KIAA1328: variants seen among roughly 807,000 people sequenced by gnomAD.
KIAA1328 encodes the protein KIAA1328.
KIAA1328 carries 52 observed loss-of-function variants against 68.1 expected under a neutral mutation model. That is an observed-to-expected ratio of 0.76 (90% CI 0.61 to 0.96). The LOEUF is 0.96. Ranked by LOEUF, KIAA1328 falls within the 40% of genes least tolerant of loss-of-function variation. KIAA1328 has a pLI of 0.00. For synonymous variants in KIAA1328, 232 were observed against 239.4 expected, an observed-to-expected ratio of 0.97 and a Z score of 0.28; for missense variants, 641 against 677.6, an observed-to-expected ratio of 0.95 and a Z score of 0.60.
At chr18:37,098,717 G>T (rs1289550094) in intron 7 of KIAA1328, among the ~76,000 whole-genome samples, 4 of 152,044 alleles carry the variant, frequency 2.6e-5, no homozygotes. Flanking sequence ...ACTTTTTTTG[G>T]TTGGTAAGCT....
chr18:37,217,679 G>T (rs2060471915), intron 9 of KIAA1328, among the ~76,000 whole-genome samples: 1 of 152,082 alleles, frequency 6.6e-6, no homozygotes, highest in South Asian at 2.1e-4. Flanking sequence ...TATCTTTGTG[G>T]TGTTCTCTGT....
At chr18:36,865,091 G>T (rs2047702549) in intron 4 of KIAA1328, among the ~76,000 whole-genome samples, 1 of 144,632 alleles carries the variant, frequency 6.9e-6, no homozygotes, top group Non-Finnish European at 1.5e-5. Flanking sequence ...TCATTGCTTT[G>T]GACTTATTTT....
At chr18:36,870,001 T>G (rs1226796005) in intron 4 of KIAA1328, among the ~76,000 whole-genome samples, 3 of 152,114 alleles carry the variant, frequency 2.0e-5, no homozygotes, top group Non-Finnish European at 4.4e-5. Flanking sequence ...TAGCTGGGAT[T>G]ACAGGTGCGC....
intron 6 of KIAA1328, among the ~76,000 whole-genome samples, chr18:36,992,310 T>G (rs892074167): frequency 6.6e-6 from 1 of 152,136 alleles, no homozygotes; most frequent in Non-Finnish European, 1.5e-5. Flanking sequence ...GGTCCTTTTC[T>G]CCTCCAAGGC....
chr18:36,857,249 G>T (rs763525831), intron 4 of KIAA1328, among the ~76,000 whole-genome samples: 1 of 152,258 alleles, frequency 6.6e-6, no homozygotes, highest in South Asian at 2.1e-4. Flanking sequence ...TTACCAAATA[G>T]GTTCTTTTTT....
chr18:37,074,058 C>G (rs1157394944), intron 7 of KIAA1328, among the ~76,000 whole-genome samples: 1 of 152,204 alleles, frequency 6.6e-6, no homozygotes, highest in Admixed American at 6.5e-5. Flanking sequence ...TCTAGCCTCC[C>G]ACTGGACCTT....
intron 7 of KIAA1328, among the ~76,000 whole-genome samples, chr18:37,076,522 T>C (rs1236915741): frequency 6.6e-6 from 1 of 151,610 alleles, no homozygotes; most frequent in Non-Finnish European, 1.5e-5. Context: ...AAAAAACCCT[T>C]CAAAAAATTA....
chr18:36,978,763 A>G (rs1263124275), intron 6 of KIAA1328, among the ~76,000 whole-genome samples: 1 of 152,096 alleles, frequency 6.6e-6, no homozygotes, highest in Non-Finnish European at 1.5e-5. Flanking sequence ...TTCTTTTGGC[A>G]TTTGCTTTGC....
chr18:37,054,610 A>G lies in KIAA1328; in HGVS notation c.577-12280A>G, dbSNP rs139765958. ...CTCACTTTTAACTGGAAGCCAAACA[A>G]TGAGTACACATGGATATAACGATGG... On this transcript the variant is annotated intron_variant, in intron 6 of 9. Coordinates refer to ENST00000280020, the MANE Select transcript of KIAA1328 (RefSeq NM_020776.3). Among the ~76,000 whole-genome samples, 5 of 152,320 alleles carry G rather than the reference A, an allele frequency of 3.3e-5. No homozygotes were observed. In the East Asian group the frequency reaches 9.7e-4, roughly 29 times the overall value.
At chr18:37,212,030 C>T (rs893858712) in intron 9 of KIAA1328, among the ~76,000 whole-genome samples, 2 of 151,894 alleles carry the variant, frequency 1.3e-5, no homozygotes, top group African/African-American at 4.8e-5. Flanking sequence ...GTAGATTTTC[C>T]ATTGTTTGAT....
At chr18:37,075,026 A>G (rs1166062518) in intron 7 of KIAA1328, 2 of 151,816 alleles carry the variant, frequency 1.3e-5, no homozygotes, top group Admixed American at 6.6e-5. Context: ...AAGACACATA[A>G]TTGTCAGATT....
intron 7 of KIAA1328, among the ~76,000 whole-genome samples, chr18:37,077,603 C>T (rs764342923): frequency 6.6e-6 from 1 of 151,940 alleles, no homozygotes; most frequent in African/African-American, 2.4e-5. Context: ...AGCCCAAAAT[C>T]TCCTTAAGCT....
chr18:37,074,078 G>T (rs971341710), intron 7 of KIAA1328, among the ~76,000 whole-genome samples: 2 of 152,204 alleles, frequency 1.3e-5, no homozygotes, highest in Non-Finnish European at 2.9e-5. Context: ...TTGCTGGTGG[G>T]AATGGGGAAA....
chr18:37,184,596 C>A (rs547254177), intron 9 of KIAA1328, among the ~76,000 whole-genome samples: 1 of 152,076 alleles, frequency 6.6e-6, no homozygotes, highest in East Asian at 1.9e-4. Context: ...AGTTAAAGGC[C>A]GAAGATCTGG....
At position 37,067,422 on chromosome 18, in the gene KIAA1328, T is replaced by A. The variant is rs756607035; in HGVS notation, c.1109T>A (p.Leu370Gln). The A allele has an allele frequency of 1.2e-6, 2 of 1,606,134 alleles. No homozygotes were observed. Among genetic ancestry groups the A allele is most frequent in the African/African-American group, 1.3e-5 (1 of 74,908 alleles). Residue 370 changes from leucine to glutamine, a missense_variant, in exon 7 of 10, where the codon CTG becomes CAG. Transcript: ENST00000280020. The stretch of plus-strand genomic sequence containing the variant: ...ATCTCAGAAGATAGAAAGCAGCAAC[T>A]GATGCTTCAGAAAATGGAACTGGAA... ...KQISEDRKQQ[L>Q]MLQKMELEIE...
At position 37,223,323 on chromosome 18, in the gene KIAA1328, C is replaced by T. The variant is rs1213517021; in HGVS notation, c.*1096C>T. 1.0e-6 allele frequency: 1 copy of T among 985,156 alleles called. No homozygotes were observed. The allele number at this position is 985,156 out of a possible 1,614,324, so 61.0% of individuals were successfully genotyped here. ...TTTTTCTCACTGGCCTCGTTTTGAC[C>T]CAGAGAAAGCCTATGGAAGTTATGC... On this transcript the variant is annotated 3_prime_UTR_variant, in exon 10 of 10. Coordinates refer to ENST00000280020, the MANE Select transcript of KIAA1328 (RefSeq NM_020776.3).
intron 9 of KIAA1328, among the ~76,000 whole-genome samples, chr18:37,204,405 G>A (rs2060176654): frequency 2.0e-5 from 3 of 152,110 alleles, no homozygotes; most frequent in South Asian, 4.1e-4. Flanking sequence ...TTATTTATAA[G>A]TCAATTTGGT....
chr18:36,877,490 AC>A (rs1240788442), intron 4 of KIAA1328, among the ~76,000 whole-genome samples: 9 of 137,972 alleles, frequency 6.5e-5, no homozygotes, highest in Non-Finnish European at 1.4e-4. Context: ...TAGGATTGCA[AC>A]CCCTGGTGGG....
intron 9 of KIAA1328, among the ~76,000 whole-genome samples, chr18:37,188,373 G>C (rs138594357): frequency 3.0e-4 from 45 of 152,326 alleles, no homozygotes; most frequent in Middle Eastern, 6.8e-3. Context: ...GGAAGAACCA[G>C]ATTCTAGTAA....
Sources: gnomAD v4.1 joint callset for allele counts (sites outside exome capture counted in the v4.1 genomes callset) on GRCh38, gnomAD v4.1.1 for gene constraint, MANE v1.5 for transcripts, NCBI Gene and HGNC (gene_info 2026-07-23, HGNC 2026-07-21) for gene names.